CACUL1: variants seen among roughly 807,000 people sequenced by gnomAD.
CACUL1 encodes CDK2-associated and cullin domain-containing protein 1.
In CACUL1, 13 loss-of-function variants were observed where a neutral mutation model predicts 45.2. The observed-to-expected ratio is 0.29, with a 90% CI of 0.19 to 0.46. CACUL1 has a LOEUF of 0.46. Ranked by LOEUF, CACUL1 falls within the 20% of genes least tolerant of loss-of-function variation. The probability of loss-of-function intolerance (pLI) is 1.00; values close to 1 mark genes in which losing one functional copy is unlikely to be tolerated. For synonymous variants in CACUL1, 197 were observed against 174.2 expected (o/e 1.13, Z -1.03); for missense variants, 421 against 471.4 (o/e 0.89, Z 0.99).
chr10:118,727,966 A>G (rs1423844762), intron 3 of CACUL1, among the ~76,000 whole-genome samples: 1 of 152,262 alleles, frequency 6.6e-6, no homozygotes, highest in Non-Finnish European at 1.5e-5. Context: ...AACAATTTAT[A>G]CACAATGCCT....
intron 5 of CACUL1, among the ~76,000 whole-genome samples, chr10:118,697,190 T>C (rs1845331529): frequency 6.6e-6 from 1 of 152,236 alleles, no homozygotes; most frequent in Admixed American, 6.5e-5. Flanking sequence ...TAGTAAGTGC[T>C]ACGTACTTTA....
At position 118,754,786 on chromosome 10, in the gene CACUL1, C is replaced by G; in HGVS notation, c.-24G>C. 6.5e-7 allele frequency: 1 copy of G among 1,533,546 alleles called. No individual in the cohort carries two copies. Among genetic ancestry groups the G allele is most frequent in the Non-Finnish European group, 8.7e-7 (1 of 1,145,018 alleles). The allele number at this position is 1,533,546 out of a possible 1,614,324, so 95.0% of individuals were successfully genotyped here. ...ATCCTGCTGGCCCCCGGCACCCGCC[C>G]GCCTCACAGGCACCTGCCGCCTGTC... On this transcript the variant is annotated 5_prime_UTR_variant, in exon 1 of 9. Transcript: ENST00000369151.
rs978499227 is a variant in CACUL1 at position 118,685,196 on chromosome 10, A to G, written c.*932T>C. On this transcript the variant is annotated 3_prime_UTR_variant, in exon 9 of 9. Transcript: ENST00000369151. ...AGAGCATCGCAGGAAGTAGCTCTCA[A>G]TAATACTAAGGGAAGCTTCCGTGCT... 4 of 152,476 alleles carry G rather than the reference A, an allele frequency of 2.6e-5. No homozygotes were observed. Among genetic ancestry groups the G allele is most frequent in the African/African-American group, 9.6e-5 (4 of 41,458 alleles). The allele number at this position is 152,476 out of a possible 1,614,324, so 9.4% of individuals were successfully genotyped here. A position where few individuals can be genotyped will look rare whatever the true frequency, so the allele number is the denominator to read the frequency against.
At position 118,729,427 on chromosome 10, in the gene CACUL1, C is replaced by A. The variant is rs191396199; in HGVS notation, c.495-30G>T. 10,807 of 1,505,406 alleles carry A rather than the reference C, an allele frequency of 7.2e-3. 58 individuals are homozygous for A. The highest frequency in any genetic ancestry group is 8.9e-3 in the Non-Finnish European group (9,729 of 1,090,062). The allele number at this position is 1,505,406 out of a possible 1,614,324, so 93.3% of individuals were successfully genotyped here. ...AAAACAAACAAAAACCCCCACAAAC[C>A]AAGTTAATCATAAAGCACTTAACTC... On this transcript the variant is annotated intron_variant, in intron 2 of 8. Coordinates refer to ENST00000369151, the MANE Select transcript of CACUL1 (RefSeq NM_153810.5).
chr10:118,735,703 G>T (rs2119654604), intron 1 of CACUL1, among the ~76,000 whole-genome samples: 1 of 152,218 alleles, frequency 6.6e-6, no homozygotes, highest in African/African-American at 2.4e-5. Flanking sequence ...TGTTAAAAAG[G>T]TAGCTAGGAA....
intron 3 of CACUL1, among the ~76,000 whole-genome samples, chr10:118,725,721 T>A (rs1845645924): frequency 6.6e-6 from 1 of 152,152 alleles, no homozygotes; most frequent in African/African-American, 2.4e-5. Context: ...ATGAAAGAAA[T>A]GTGTTTAAAA....
rs764372626 is a variant in CACUL1 at position 118,754,447 on chromosome 10, C to T, written c.316G>A (p.Ala106Thr). 42 of 1,579,038 alleles carry T rather than the reference C, an allele frequency of 2.7e-5. No homozygotes were observed. The highest frequency in any genetic ancestry group is 3.5e-5 in the Non-Finnish European group (41 of 1,163,048). ...AAAAVAKAAP[A>T]PTASSTININ... The stretch of plus-strand genomic sequence containing the variant: ...TTGATGGTGGAGCTGGCGGTGGGGG[C>T]GGGGGCCGCCTTGGCCACGGCGGCG... The change falls in exon 1 of 9, where the codon GCC becomes ACC. Residue 106 changes from alanine to threonine, a missense_variant. Ala to Thr is a moderately conservative substitution (Grantham distance 58, BLOSUM62 0). Around this residue, in one of 2 missense-constraint regions of CACUL1, gnomAD observed 213 missense variants for 173.1 expected, o/e 1.23. Coordinates refer to ENST00000369151, the MANE Select transcript of CACUL1 (RefSeq NM_153810.5).
At chr10:118,711,270 G>C (rs1233689325) in intron 3 of CACUL1, among the ~76,000 whole-genome samples, 4 of 152,236 alleles carry the variant, frequency 2.6e-5, no homozygotes, top group African/African-American at 9.6e-5. Context: ...AGGAGAGACA[G>C]GGTTTCACCA....
At chr10:118,697,324 CAGA>C (rs1012865641) in intron 5 of CACUL1, among the ~76,000 whole-genome samples, 23 of 152,304 alleles carry the variant, frequency 1.5e-4, no homozygotes, top group African/African-American at 4.3e-4. Flanking sequence ...TAGCTAGAGG[CAGA>C]AGAAGTTTGA....
rs866569329 is a variant in CACUL1 at position 118,754,782 on chromosome 10, C to T, written c.-20G>A. On this transcript the variant is annotated 5_prime_UTR_variant, in exon 1 of 9. Transcript: ENST00000369151. ...CTCCATCCTGCTGGCCCCCGGCACC[C>T]GCCCGCCTCACAGGCACCTGCCGCC... The T allele has an allele frequency of 6.5e-7, 1 of 1,534,738 alleles. No individual in the cohort carries two copies. The highest frequency in any genetic ancestry group is 8.7e-7 in the Non-Finnish European group (1 of 1,145,628).
At chr10:118,739,173 G>A (rs376152345) in intron 1 of CACUL1, among the ~76,000 whole-genome samples, 1 of 150,974 alleles carries the variant, frequency 6.6e-6, no homozygotes, top group African/African-American at 2.4e-5. Context: ...TCCAGCCTGG[G>A]TGACAGAGAC....
At chr10:118,748,265 C>A (rs984551223) in intron 1 of CACUL1, among the ~76,000 whole-genome samples, 6 of 152,122 alleles carry the variant, frequency 3.9e-5, no homozygotes, top group African/African-American at 1.4e-4. Context: ...CATTCTGTAC[C>A]TGGTAACCTT....
intron 1 of CACUL1, among the ~76,000 whole-genome samples, chr10:118,741,423 CT>C (rs781210580): frequency 5.9e-5 from 9 of 152,002 alleles, no homozygotes; most frequent in Non-Finnish European, 1.3e-4. Flanking sequence ...TTCTGGACCT[CT>C]CTACCTGACT....
intron 1 of CACUL1, among the ~76,000 whole-genome samples, chr10:118,734,876 T>G (rs1845726702): frequency 6.6e-6 from 1 of 152,232 alleles, no homozygotes; most frequent in Admixed American, 6.5e-5. Flanking sequence ...AGCTGGAATC[T>G]TCATTCAGGA....
rs1278017518 is a variant in CACUL1, at chr10:118,684,883, T to C, written c.*1245A>G. 1 of 152,230 alleles carries C rather than the reference T, an allele frequency of 6.6e-6. No individual in the cohort carries two copies. The highest frequency in any genetic ancestry group is 2.4e-5 in the African/African-American group (1 of 41,454). The allele number at this position is 152,230 out of a possible 1,614,324, so 9.4% of individuals were successfully genotyped here. On this transcript the variant is annotated 3_prime_UTR_variant, in exon 9 of 9. Coordinates refer to ENST00000369151, the MANE Select transcript of CACUL1 (RefSeq NM_153810.5). Reference sequence around the variant, plus strand: ...AGCAAAATTGAGAAGAAAAGTATTTTTCTCTTGCCACATCTATTTTTCTTG... The same window carrying C: ...AGCAAAATTGAGAAGAAAAGTATTTCTCTCTTGCCACATCTATTTTTCTTG...
At chr10:118,740,134 G>A (rs11198584) in intron 1 of CACUL1, among the ~76,000 whole-genome samples, 5,497 of 152,148 alleles carry the variant, frequency 0.036, 150 homozygotes, top group African/African-American at 0.066. Flanking sequence ...GCGACAGAGC[G>A]GGACTCTGTC....
chr10:118,711,951 A>C (rs1589608758), intron 3 of CACUL1, among the ~76,000 whole-genome samples: 1 of 152,246 alleles, frequency 6.6e-6, no homozygotes, highest in Admixed American at 6.5e-5. Flanking sequence ...CTTAAAATTT[A>C]AGTTCAATAC....
chr10:118,708,278 A>C (rs1845452306), intron 3 of CACUL1, among the ~76,000 whole-genome samples: 1 of 152,202 alleles, frequency 6.6e-6, no homozygotes. Flanking sequence ...ATATTCAACT[A>C]AGTGGTATAG....
intron 1 of CACUL1, among the ~76,000 whole-genome samples, chr10:118,741,269 A>T (rs1048826163): frequency 6.6e-6 from 1 of 152,216 alleles, no homozygotes; most frequent in East Asian, 1.9e-4. Context: ...TTAAGTACGA[A>T]GAGTTTGGCG....
Sources: gnomAD v4.1 joint callset for allele counts (sites outside exome capture counted in the v4.1 genomes callset) on GRCh38, gnomAD v4.1.1 for gene constraint, gnomAD v4.1.1 regional missense constraint, MANE v1.5 for transcripts, NCBI Gene and HGNC (gene_info 2026-07-23, HGNC 2026-07-21) for gene names.